Variants in LPIN1 observed in about 807,000 individuals in gnomAD.
LPIN1 encodes lipin 1, also known as phosphatidate phosphatase LPIN1.
A neutral mutation model predicts 107.5 loss-of-function variants in LPIN1; 71 were observed. That is an observed-to-expected ratio of 0.66 (90% CI 0.55 to 0.80). The LOEUF is 0.80. Among genes scored for constraint, LPIN1 ranks in the 30% least tolerant of loss-of-function variants. The probability of loss-of-function intolerance (pLI) is 0.00; values close to 1 mark genes in which losing one functional copy is unlikely to be tolerated. For missense variants in LPIN1, 1,043 were observed against 1,160.6 expected (o/e 0.90, Z 1.47); for synonymous variants, 445 against 452.6 (o/e 0.98, Z 0.21).
intron 20 of LPIN1, among the ~76,000 whole-genome samples, chr2:11,823,538 G>T (rs1339520376): frequency 3.3e-5 from 5 of 151,946 alleles, no homozygotes; most frequent in African/African-American, 1.2e-4. Context: ...GCTTCATTTA[G>T]TACATTATTT....
chr2:11,768,864 A>G (rs1671389161), intron 3 of LPIN1, among the ~76,000 whole-genome samples: 1 of 152,132 alleles, frequency 6.6e-6, no homozygotes, highest in Non-Finnish European at 1.5e-5. Context: ...TGAACCCGGG[A>G]GGCGGAGCTT....
At chr2:11,685,082 G>A (rs1272575555) in intron 1 of LPIN1, among the ~76,000 whole-genome samples, 1 of 152,202 alleles carries the variant, frequency 6.6e-6, no homozygotes, top group African/African-American at 2.4e-5. Context: ...AGCCCGAGAC[G>A]GGAGGATGAC....
chr2:11,732,341 A>C (rs555384726), intron 1 of LPIN1, among the ~76,000 whole-genome samples: 1 of 152,214 alleles, frequency 6.6e-6, no homozygotes, highest in African/African-American at 2.4e-5. Context: ...CCCACATCCA[A>C]GTTCATGCTT....
intron 1 of LPIN1, among the ~76,000 whole-genome samples, chr2:11,725,471 CAG>C (rs1274283319): frequency 6.6e-6 from 1 of 152,186 alleles, no homozygotes; most frequent in Non-Finnish European, 1.5e-5. Context: ...AACCAGGACT[CAG>C]AGAGAGCCCA....
chr2:11,782,597 A>G, intron 8 of LPIN1, 90 bp downstream of exon 8: 3 of 1,442,456 alleles, frequency 2.1e-6, no homozygotes, highest in Non-Finnish European at 2.9e-6. Context: ...TTCCAAGGAA[A>G]CTGAGGTAGA....
At chr2:11,716,861 T>C (rs1663780428) in intron 2 of LPIN1, among the ~76,000 whole-genome samples, 1 of 152,232 alleles carries the variant, frequency 6.6e-6, no homozygotes, top group African/African-American at 2.4e-5. Context: ...GACAAATTGC[T>C]ACACCAGAAG....
At chr2:11,678,732 C>G (rs1661556321) in intron 1 of LPIN1, among the ~76,000 whole-genome samples, 1 of 152,180 alleles carries the variant, frequency 6.6e-6, no homozygotes, top group Non-Finnish European at 1.5e-5. Context: ...TGAGGGCTCT[C>G]TAGGGAGAAA....
intron 2 of LPIN1, among the ~76,000 whole-genome samples, chr2:11,716,654 G>A (rs1663761300): frequency 6.6e-6 from 1 of 152,180 alleles, no homozygotes; most frequent in Non-Finnish European, 1.5e-5. Context: ...GGACTCGTGA[G>A]TGCAGAGAAG....
At chr2:11,756,872 G>A (rs1387686778) in intron 1 of LPIN1, among the ~76,000 whole-genome samples, 2 of 152,198 alleles carry the variant, frequency 1.3e-5, no homozygotes, top group African/African-American at 4.8e-5. Flanking sequence ...TGGTATTCCA[G>A]TGGGATGTAA....
intron 12 of LPIN1, chr2:11,791,639 C>CT: frequency 3.3e-5 from 42 of 1,277,688 alleles, no homozygotes; most frequent in Middle Eastern, 3.3e-4. Flanking sequence ...CTAATGCTTT[C>CT]TTTTTTTGTT....
At chr2:11,788,575 T>A in intron 12 of LPIN1, 119 bp downstream of exon 12, 1 of 805,494 alleles carries the variant, frequency 1.2e-6, no homozygotes, top group South Asian at 1.4e-5. Context: ...TGTGCTCTTT[T>A]GAAGTTCATG....
chr2:11,742,391 CT>C (rs1055935347), upstream of LPIN1, among the ~76,000 whole-genome samples: 6 of 152,166 alleles, frequency 3.9e-5, no homozygotes, highest in Non-Finnish European at 7.3e-5. Flanking sequence ...CTGAGCTCTC[CT>C]TAGCATTCTG....
At chr2:11,810,643 G>A (rs1219045316) in intron 17 of LPIN1, among the ~76,000 whole-genome samples, 2 of 152,136 alleles carry the variant, frequency 1.3e-5, no homozygotes, top group African/African-American at 2.4e-5. Context: ...CTCAACTGAC[G>A]GACATATGGC....
Position 11,782,198 on chromosome 2 carries a change from T to C in LPIN1, c.958-3T>C, listed in dbSNP as rs1673681118. 1 of 1,611,608 alleles carries C rather than the reference T, an allele frequency of 6.2e-7. No individual in the cohort carries two copies. The highest frequency in any genetic ancestry group is 8.5e-7 in the Non-Finnish European group (1 of 1,178,154). On this transcript the variant is annotated splice_polypyrimidine_tract_variant and splice_region_variant and intron_variant, in intron 7 of 20. Coordinates refer to ENST00000674199, the MANE Select transcript of LPIN1 (RefSeq NM_001349206.2). ...CTCTGTCCCTCTCTCCTCTTTGCTC[T>C]AGTCTTCTTCTCCACACAAGATGAA...
chr2:11,695,705 A>G (rs1662539534), intron 1 of LPIN1, among the ~76,000 whole-genome samples: 1 of 152,192 alleles, frequency 6.6e-6, no homozygotes, highest in South Asian at 2.1e-4. Flanking sequence ...GCGGGTGGCC[A>G]GAGGGAAGCT....
chr2:11,760,553 C>T (rs1669644711), intron 1 of LPIN1, among the ~76,000 whole-genome samples: 1 of 152,212 alleles, frequency 6.6e-6, no homozygotes, highest in African/African-American at 2.4e-5. Context: ...TGGCGGCGCA[C>T]GCCTGCAATC....
intron 14 of LPIN1, among the ~76,000 whole-genome samples, chr2:11,802,663 G>C (rs1261169699): frequency 1.3e-5 from 2 of 152,064 alleles, no homozygotes; most frequent in Non-Finnish European, 2.9e-5. Context: ...AAATAGTGGT[G>C]GTAGCTCATC....
rs375197890 is a variant in LPIN1 at position 11,812,711 on chromosome 2, T to C, written c.2250-2377T>C. On this transcript the variant is annotated intron_variant, in intron 17 of 20. Coordinates refer to ENST00000674199, the MANE Select transcript of LPIN1 (RefSeq NM_001349206.2). The stretch of plus-strand genomic sequence containing the variant: ...TGGGGGCCAGGTCTTGTTGGTCTTA[T>C]AGGCCACAGTGAAGGGTTTGGACGA... 1.7e-3 allele frequency among the ~76,000 whole-genome samples: 262 copies of C among 152,270 alleles called. 3 individuals carry two copies. The highest frequency in any genetic ancestry group is 5.9e-3 in the African/African-American group (247 of 41,548).
intron 4 of LPIN1, among the ~76,000 whole-genome samples, chr2:11,772,430 G>C (rs2148635958): frequency 6.6e-6 from 1 of 152,200 alleles, no homozygotes; most frequent in Non-Finnish European, 1.5e-5. Flanking sequence ...ATGGAGTCAA[G>C]AAACAGGAAC....
Sources: gnomAD v4.1 joint callset for allele counts (sites outside exome capture counted in the v4.1 genomes callset) on GRCh38, gnomAD v4.1.1 for gene constraint, MANE v1.5 for transcripts, NCBI Gene and HGNC (gene_info 2026-07-23, HGNC 2026-07-21) for gene names.